The following CYP7B1 variants were observed in gnomAD, a reference collection of about 807,000 sequenced individuals.
CYP7B1 encodes cytochrome P450 family 7 subfamily B member 1.
In CYP7B1, 29 loss-of-function variants were observed where a neutral mutation model predicts 42.7. That is an observed-to-expected ratio of 0.68 (90% CI 0.51 to 0.93). CYP7B1 has a LOEUF of 0.93. CYP7B1 is among the 40% of genes least tolerant of loss of function. The pLI is 0.00. For missense variants in CYP7B1, 655 were observed against 600.5 expected (o/e 1.09, Z -0.95); for synonymous variants, 235 against 218.2 (o/e 1.08, Z -0.68).
At chr8:64,775,351 A>G (rs2129654833) in intron 1 of CYP7B1, among the ~76,000 whole-genome samples, 1 of 152,240 alleles carries the variant, frequency 6.6e-6, no homozygotes, top group Non-Finnish European at 1.5e-5. Context: ...AGTGGAGCCA[A>G]TGAGTTATAT....
intron 1 of CYP7B1, among the ~76,000 whole-genome samples, chr8:64,635,866 G>A (rs1805762003): frequency 6.6e-6 from 1 of 152,092 alleles, no homozygotes; most frequent in Non-Finnish European, 1.5e-5. Context: ...TTGTAAACTC[G>A]ATTCTATTAG....
chr8:64,588,049 G>A (rs1418195131), downstream of CYP7B1, among the ~76,000 whole-genome samples: 3 of 152,148 alleles, frequency 2.0e-5, no homozygotes, highest in Non-Finnish European at 4.4e-5. Flanking sequence ...ATTCAGAGAT[G>A]CAATAAAATA....
At chr8:64,693,944 C>CAAGATG (rs1806786493) in intron 1 of CYP7B1, among the ~76,000 whole-genome samples, 1 of 152,178 alleles carries the variant, frequency 6.6e-6, no homozygotes, top group African/African-American at 2.4e-5. Context: ...TAAGTAGTGA[C>CAAGATG]AAGATGATAA....
At chr8:64,605,250 T>C (rs1271267116) in intron 4 of CYP7B1, among the ~76,000 whole-genome samples, 1 of 152,228 alleles carries the variant, frequency 6.6e-6, no homozygotes, top group Non-Finnish European at 1.5e-5. Flanking sequence ...CTCTGATGCT[T>C]TAAAGCCAGA....
intron 1 of CYP7B1, among the ~76,000 whole-genome samples, chr8:64,683,532 G>A (rs1306950951): frequency 6.6e-6 from 1 of 152,092 alleles, no homozygotes; most frequent in Non-Finnish European, 1.5e-5. Context: ...TGGCACAATA[G>A]GGATACTATA....
At chr8:64,784,964 A>G (rs773268638) in intron 1 of CYP7B1, among the ~76,000 whole-genome samples, 2 of 152,232 alleles carry the variant, frequency 1.3e-5, no homozygotes, top group Non-Finnish European at 2.9e-5. Context: ...GCTAAGAGAC[A>G]GTATTTTCAA....
intron 1 of CYP7B1, among the ~76,000 whole-genome samples, chr8:64,678,907 G>C (rs1806492954): frequency 6.6e-6 from 1 of 151,840 alleles, no homozygotes; most frequent in Non-Finnish European, 1.5e-5. Context: ...GTGTGTGTGT[G>C]TGTATAGAGA....
At chr8:64,767,426 T>G (rs1401267852) in intron 1 of CYP7B1, among the ~76,000 whole-genome samples, 1 of 152,172 alleles carries the variant, frequency 6.6e-6, no homozygotes, top group Non-Finnish European at 1.5e-5. Flanking sequence ...GGACCCCTAG[T>G]ATGGGGTAAT....
intron 1 of CYP7B1, among the ~76,000 whole-genome samples, chr8:64,648,247 C>T (rs148339689): frequency 0.012 from 1,891 of 152,194 alleles, 22 homozygotes; most frequent in Non-Finnish European, 0.021. Context: ...ATCTTTTTTT[C>T]TAGGAATTAT....
chr8:64,687,472 G>A lies in CYP7B1; in HGVS notation c.123-62933C>T, dbSNP rs142166885. Among the ~76,000 whole-genome samples, 333 of 152,226 alleles carry A rather than the reference G, an allele frequency of 2.2e-3. 1 individual carries two copies. The highest frequency in any genetic ancestry group is 4.3e-3 in the Non-Finnish European group (293 of 68,012). ...GAGTTTTTTCTGGGGTGATGAAAAT[G>A]TTCTAAAATGAAAATGTTCTAAAAA... On this transcript the variant is annotated intron_variant, in intron 1 of 5. Transcript: ENST00000310193.
At chr8:64,618,185 T>C (rs921637872) in intron 2 of CYP7B1, among the ~76,000 whole-genome samples, 2 of 151,676 alleles carry the variant, frequency 1.3e-5, no homozygotes, top group African/African-American at 4.8e-5. Flanking sequence ...CATCTGCCTG[T>C]CAAATAATTG....
At chr8:64,635,095 A>T (rs926855381) in intron 1 of CYP7B1, among the ~76,000 whole-genome samples, 5 of 152,190 alleles carry the variant, frequency 3.3e-5, no homozygotes, top group Admixed American at 6.5e-5. Flanking sequence ...GCCAAACTCA[A>T]GAGCATCTCA....
chr8:64,710,565 G>A (rs1419016130), intron 1 of CYP7B1, among the ~76,000 whole-genome samples: 1 of 151,986 alleles, frequency 6.6e-6, no homozygotes, highest in Non-Finnish European at 1.5e-5. Flanking sequence ...TCCAACCTTG[G>A]AAATAATCTT....
intron 1 of CYP7B1, among the ~76,000 whole-genome samples, chr8:64,726,351 T>A (rs1807324712): frequency 6.6e-6 from 1 of 152,260 alleles, no homozygotes; most frequent in South Asian, 2.1e-4. Context: ...AGTCTGCCTT[T>A]TAAATTCAAT....
Position 64,624,433 on chromosome 8 carries a change from G to A in CYP7B1, c.229C>T (p.His77Tyr), listed in dbSNP as rs748942273. 2 of 1,613,554 alleles carry A rather than the reference G, an allele frequency of 1.2e-6. No homozygotes were observed. The highest frequency in any genetic ancestry group is 1.7e-6 in the Non-Finnish European group (2 of 1,179,904). The change falls in exon 2 of 6, where the codon CAT becomes TAT. Residue 77 changes from histidine (H) to tyrosine (Y), a missense_variant. His to Tyr is a moderately conservative substitution (Grantham distance 83). Coordinates refer to ENST00000310193, the MANE Select transcript of CYP7B1 (RefSeq NM_004820.5). ...AGAAGAACTGTGAAAGTGTCACCAT[G>A]TTGCTTTTGAAGTGTTTTCATGAAC... ...LRFMKTLQKQ[H>Y]GDTFTVLLGG...
intron 1 of CYP7B1, among the ~76,000 whole-genome samples, chr8:64,758,828 T>C (rs1179061242): frequency 6.6e-6 from 1 of 152,204 alleles, no homozygotes; most frequent in Non-Finnish European, 1.5e-5. Flanking sequence ...CTAGGATTAT[T>C]GTTGTATTTC....
chr8:64,713,348 C>A (rs1807108766), intron 1 of CYP7B1, among the ~76,000 whole-genome samples: 3 of 144,048 alleles, frequency 2.1e-5, no homozygotes, highest in Admixed American at 7.3e-5. Context: ...ATCAGGCAAG[C>A]AAAGAAGCAG....
chr8:64,796,653 T>C (rs1804706803), intron 1 of CYP7B1, among the ~76,000 whole-genome samples: 1 of 152,166 alleles, frequency 6.6e-6, no homozygotes, highest in African/African-American at 2.4e-5. Context: ...ATGTTTTGTG[T>C]GTGTGTTTTT....
intron 4 of CYP7B1, among the ~76,000 whole-genome samples, chr8:64,606,265 G>C (rs1284762734): frequency 6.6e-6 from 1 of 152,200 alleles, no homozygotes; most frequent in Non-Finnish European, 1.5e-5. Context: ...CTCTACTGCA[G>C]ATAGCCACGA....
Sources: allele counts gnomAD v4.1 joint callset (sites outside exome capture counted in the v4.1 genomes callset), GRCh38; gene constraint gnomAD v4.1.1; transcripts MANE v1.5; gene names NCBI Gene and HGNC (gene_info 2026-07-23, HGNC 2026-07-21).